The following MEIS1 variants were observed in gnomAD, a reference collection of about 807,000 sequenced individuals.
MEIS1 encodes Meis homeobox 1.
MEIS1 carries 5 observed loss-of-function variants against 50.8 expected under a neutral mutation model. The ratio of observed to expected loss-of-function variants is 0.10; its 90% CI spans 0.05 to 0.21. The LOEUF (loss-of-function observed/expected upper bound fraction) is 0.21. Among genes scored for constraint, MEIS1 ranks in the 10% least tolerant of loss-of-function variants. The pLI is 1.00. For synonymous variants in MEIS1, 176 were observed against 179.3 expected (o/e 0.98, Z 0.15); for missense variants, 318 against 517.3 (o/e 0.61, Z 3.74).
At chr2:66,443,107 T>A in intron 6 of MEIS1, 59 bp downstream of exon 6, 1 of 1,522,854 alleles carries the variant, frequency 6.6e-7, no homozygotes, top group Non-Finnish European at 8.8e-7. Flanking sequence ...TGCATATTGC[T>A]TGCTGGGTCA....
chr2:66,487,736 A>G (rs930422738), intron 7 of MEIS1, among the ~76,000 whole-genome samples: 2 of 152,216 alleles, frequency 1.3e-5, no homozygotes, highest in African/African-American at 4.8e-5. Flanking sequence ...CATGTGCTCT[A>G]GCTTGTAAAT....
intron 6 of MEIS1, among the ~76,000 whole-genome samples, chr2:66,458,891 ATTAC>A (rs1558526100): frequency 6.6e-6 from 1 of 152,238 alleles, no homozygotes; most frequent in East Asian, 1.9e-4. Context: ...TTCCATATGT[ATTAC>A]TTAAGTTATT....
At chr2:66,452,923 G>A (rs537868963) in intron 6 of MEIS1, among the ~76,000 whole-genome samples, 1 of 151,960 alleles carries the variant, frequency 6.6e-6, no homozygotes, top group African/African-American at 2.4e-5. Context: ...TGCTTGTTCT[G>A]TGCATATGAA....
rs74581425 is a variant in MEIS1 at position 66,475,536 on chromosome 2, T to C, written c.742+11316T>C. 8.5e-3 allele frequency among the ~76,000 whole-genome samples: 1,291 copies of C among 152,118 alleles called. 20 individuals are homozygous for C. The highest frequency in any genetic ancestry group is 0.029 in the African/African-American group (1,196 of 41,520). ...CCAAGCAATATAAATTATAAGATCA[T>C]GTACAATGACTAGAAATAGGTATTA... On this transcript the variant is annotated intron_variant, in intron 7 of 12. Coordinates refer to ENST00000272369, the MANE Select transcript of MEIS1 (RefSeq NM_002398.3).
At chr2:66,567,967 G>A (rs553111969) in intron 10 of MEIS1, 4 of 259,378 alleles carry the variant, frequency 1.5e-5, no homozygotes, top group African/African-American at 4.4e-5. Context: ...GCTTTTGTGT[G>A]CTTTAATAAC....
intron 6 of MEIS1, among the ~76,000 whole-genome samples, chr2:66,443,963 T>A (rs1369406541): frequency 1.3e-5 from 2 of 152,184 alleles, no homozygotes; most frequent in Non-Finnish European, 2.9e-5. Context: ...GATTTCTCTC[T>A]CTCTGTCACC....
intron 8 of MEIS1, among the ~76,000 whole-genome samples, chr2:66,525,256 G>A (rs1674222479): frequency 1.3e-5 from 2 of 152,034 alleles, no homozygotes. Flanking sequence ...AACAAAAACA[G>A]TGCTCTTTAA....
intron 7 of MEIS1, among the ~76,000 whole-genome samples, chr2:66,491,727 T>C (rs1380971853): frequency 2.0e-5 from 3 of 152,178 alleles, no homozygotes; most frequent in Non-Finnish European, 4.4e-5. Context: ...AATTCTGGCT[T>C]TCAAAACTGA....
intron 7 of MEIS1, among the ~76,000 whole-genome samples, chr2:66,481,850 C>CT (rs996753363): frequency 0.022 from 1,964 of 90,038 alleles, 13 homozygotes; most frequent in African/African-American, 0.028. Flanking sequence ...TCTGATATTT[C>CT]TTTTTTTTTT....
intron 7 of MEIS1, among the ~76,000 whole-genome samples, chr2:66,477,272 A>G (rs1459454239): frequency 2.6e-5 from 4 of 152,090 alleles, no homozygotes; most frequent in Non-Finnish European, 4.4e-5. Flanking sequence ...TTTGAGGAGG[A>G]AGACTGGACT....
chr2:66,554,296 T>A (rs1474014905), intron 9 of MEIS1, among the ~76,000 whole-genome samples: 1 of 152,226 alleles, frequency 6.6e-6, no homozygotes, highest in African/African-American at 2.4e-5. Flanking sequence ...AAATCCTAAT[T>A]AAGCCAGTCT....
chr2:66,460,912 A>G (rs1672503143), intron 6 of MEIS1, among the ~76,000 whole-genome samples: 1 of 152,170 alleles, frequency 6.6e-6, no homozygotes, highest in Admixed American at 6.5e-5. Flanking sequence ...ACATAAACCC[A>G]AATATTATTC....
rs1675516673 is a variant in MEIS1, at chr2:66,573,351, A to G, written c.*2143A>G. 6.6e-6 allele frequency: 1 copy of G among 152,240 alleles called. No homozygotes were observed. Among genetic ancestry groups the G allele is most frequent in the Non-Finnish European group, 1.5e-5 (1 of 68,046 alleles). The allele number at this position is 152,240 out of a possible 1,614,324, so 9.4% of individuals were successfully genotyped here. A position where few individuals can be genotyped will look rare whatever the true frequency, so the allele number is the denominator to read the frequency against. The stretch of plus-strand genomic sequence containing the variant: ...AAAAGTGCTTCCCAAAGCTAAGGAA[A>G]ATATACAAATATTTTAATTAAGGCA... On this transcript the variant is annotated 3_prime_UTR_variant, in exon 13 of 13. Transcript: ENST00000272369.
intron 5 of MEIS1, among the ~76,000 whole-genome samples, chr2:66,442,119 T>C (rs1672000903): frequency 6.6e-6 from 1 of 152,200 alleles, no homozygotes; most frequent in Non-Finnish European, 1.5e-5. Flanking sequence ...ATCTCAGCAA[T>C]AAAAACTTAA....
intron 1 of MEIS1, chr2:66,436,990 A>G: frequency 3.1e-6 from 3 of 957,128 alleles, no homozygotes; most frequent in South Asian, 9.7e-5. Flanking sequence ...AACAAAGTTC[A>G]TAAGAGTAAA....
chr2:66,556,660 G>T (rs1675073332), intron 9 of MEIS1, among the ~76,000 whole-genome samples: 1 of 152,092 alleles, frequency 6.6e-6, no homozygotes, highest in South Asian at 2.1e-4. Context: ...TGGTTGAAGG[G>T]TTTTGTTGGC....
chr2:66,471,520 C>T (rs1222268800), intron 7 of MEIS1, among the ~76,000 whole-genome samples: 4 of 152,148 alleles, frequency 2.6e-5, no homozygotes, highest in East Asian at 3.8e-4. Flanking sequence ...ATACCAACTC[C>T]GGTGTGACTT....
At chr2:66,555,732 C>A (rs1419719482) in intron 9 of MEIS1, among the ~76,000 whole-genome samples, 1 of 151,928 alleles carries the variant, frequency 6.6e-6, no homozygotes, top group African/African-American at 2.4e-5. Context: ...CCAGAGAGAC[C>A]CTCTCTCTCC....
intron 7 of MEIS1, among the ~76,000 whole-genome samples, chr2:66,496,746 C>G (rs527630918): frequency 3.9e-5 from 6 of 152,160 alleles, no homozygotes; most frequent in Non-Finnish European, 8.8e-5. Flanking sequence ...AGTTCCAACC[C>G]TTACATGAGG....
Sources: gnomAD v4.1 joint callset for allele counts (sites outside exome capture counted in the v4.1 genomes callset) on GRCh38, gnomAD v4.1.1 for gene constraint, MANE v1.5 for transcripts, NCBI Gene and HGNC (gene_info 2026-07-23, HGNC 2026-07-21) for gene names.